ABCC8: variants seen among roughly 807,000 people sequenced by gnomAD.
The protein encoded by ABCC8 is ATP binding cassette subfamily C member 8.
ABCC8 carries 137 observed loss-of-function variants against 188.0 expected under a neutral mutation model. The ratio of observed to expected loss-of-function variants is 0.73; its 90% confidence interval spans 0.63 to 0.84. ABCC8 has a LOEUF of 0.84. Ranked by LOEUF, ABCC8 falls within the 40% of genes least tolerant of loss-of-function variation. ABCC8 has a pLI of 0.00. For missense variants in ABCC8, 1,750 were observed against 2,072.7 expected (o/e 0.84, Z 3.02); for synonymous variants, 797 against 846.5 (o/e 0.94, Z 1.01).
At chr11:17,397,419 C>G in intron 31 of ABCC8, 106 bp from the exon 32 acceptor site, 1 of 1,569,322 alleles carries the variant, frequency 6.4e-7, no homozygotes, top group South Asian at 1.1e-5. Flanking sequence ...GCCCCAGATT[C>G]CTTTTGCTGC....
intron 10 of ABCC8, among the ~76,000 whole-genome samples, chr11:17,434,041 G>A (rs895524538): frequency 6.6e-6 from 1 of 152,192 alleles, no homozygotes; most frequent in African/African-American, 2.4e-5. Context: ...GAGGAGGAGA[G>A]GGAGGAGGAT....
chr11:17,462,232 G>C (rs1957220884), intron 4 of ABCC8, among the ~76,000 whole-genome samples: 1 of 152,116 alleles, frequency 6.6e-6, no homozygotes, highest in Non-Finnish European at 1.5e-5. Flanking sequence ...GGTGTTTTTG[G>C]ACAAGCCTCA....
intron 6 of ABCC8, among the ~76,000 whole-genome samples, chr11:17,455,963 G>A (rs377096154): frequency 0.013 from 1,910 of 148,022 alleles, 34 homozygotes; most frequent in African/African-American, 0.044. Flanking sequence ...AAAAAAAGAA[G>A]TGGGTACTAG....
chr11:17,412,391 G>A (rs1277167395), intron 21 of ABCC8, among the ~76,000 whole-genome samples: 1 of 152,198 alleles, frequency 6.6e-6, no homozygotes, highest in African/African-American at 2.4e-5. Context: ...TGAGGGGTTG[G>A]GCTGTCCCAC....
At chr11:17,430,289 C>T (rs1396702371) in intron 12 of ABCC8, 1 of 192,844 alleles carries the variant, frequency 5.2e-6, no homozygotes, top group African/African-American at 2.3e-5. Flanking sequence ...AAGTGGGAGC[C>T]TCCAAGAGCT....
At chr11:17,409,798 C>T (rs1037777634) in intron 22 of ABCC8, among the ~76,000 whole-genome samples, 1 of 152,222 alleles carries the variant, frequency 6.6e-6, no homozygotes, top group African/African-American at 2.4e-5. Flanking sequence ...TTATTTTCTA[C>T]CTACTGAAGA....
At chr11:17,435,327 G>A (rs796573832) in intron 10 of ABCC8, among the ~76,000 whole-genome samples, 1 of 152,096 alleles carries the variant, frequency 6.6e-6, no homozygotes, top group Non-Finnish European at 1.5e-5. Flanking sequence ...CACACAGCTG[G>A]CATTGTTTCC....
Position 17,414,534 on chromosome 11 carries a change from C to T in ABCC8, c.2368G>A (p.Glu790Lys), listed in dbSNP as rs1317396512. Reference sequence around the variant, plus strand: ...TACCGTTGTTTGTTGAAGGGACTCTCAAAGATGATGTTCTCCTCCACAGTG... The same window carrying T: ...TACCGTTGTTTGTTGAAGGGACTCTTAAAGATGATGTTCTCCTCCACAGTG... ...NATVEENIIF[E>K]SPFNKQRYKM... The change falls in exon 19 of 39, where the codon GAG becomes AAG. Residue 790 changes from glutamate (E) to lysine (K), a missense_variant. Transcript: ENST00000389817. The T allele has an allele frequency of 1.2e-6, 2 of 1,614,108 alleles. No homozygotes were observed. The highest frequency in any genetic ancestry group is 1.1e-5 in the South Asian group (1 of 91,094).
At position 17,397,748 on chromosome 11, in the gene ABCC8, G is replaced by A. The variant is rs868123941; in HGVS notation, c.3803C>T (p.Ser1268Phe). Residue 1268 changes from serine to phenylalanine, a missense_variant, in exon 31 of 39, where the codon TCC becomes TTC. Physicochemically the swap from Ser to Phe is radical, Grantham distance 155. Transcript: ENST00000389817. Reference sequence around the variant, plus strand: ...AGAGAGCTCCCTGTGCAGGGAGTTGGAGATGGAGGTCACCGCTGCGATGAG... The same window carrying A: ...AGAGAGCTCCCTGTGCAGGGAGTTGAAGATGGAGGTCACCGCTGCGATGAG... ...VVLIAAVTSI[S>F]NSLHRELSAG... The A allele has an allele frequency of 6.2e-7, 1 of 1,613,884 alleles. No individual in the cohort carries two copies. The highest frequency in any genetic ancestry group is 8.5e-7 in the Non-Finnish European group (1 of 1,180,004).
At chr11:17,462,113 G>A (rs1459256990) in intron 4 of ABCC8, among the ~76,000 whole-genome samples, 1 of 152,164 alleles carries the variant, frequency 6.6e-6, no homozygotes. Context: ...TCTCTCATAT[G>A]CTATCTTCTC....
At chr11:17,413,577 G>A in intron 19 of ABCC8, 99 bp from the exon 20 acceptor site, 1 of 1,609,776 alleles carries the variant, frequency 6.2e-7, no homozygotes, top group East Asian at 2.2e-5. Flanking sequence ...CTATGCCCAG[G>A]GTGAGCAATG....
rs561727496 is a variant in ABCC8, at chr11:17,404,277, C to T, written c.3557+235G>A. Among the ~76,000 whole-genome samples, 1 of 152,180 alleles carries T rather than the reference C, an allele frequency of 6.6e-6. No individual in the cohort carries two copies. Among genetic ancestry groups the T allele is most frequent in the Non-Finnish European group, 1.5e-5 (1 of 68,034 alleles). On this transcript the variant is annotated intron_variant, in intron 28 of 38. Coordinates refer to ENST00000389817, the MANE Select transcript of ABCC8 (RefSeq NM_000352.6). The surrounding 1 kb of genome is among the most constrained non-coding windows in gnomAD (Gnocchi z 4.7). Reference sequence around the variant, plus strand: ...ATGACCTAGCAATTCCAGTCCTGACCATATCGCCCAAGGAAATAATTCAGA... The same window carrying T: ...ATGACCTAGCAATTCCAGTCCTGACTATATCGCCCAAGGAAATAATTCAGA...
At chr11:17,444,881 T>G (rs1235880065) in intron 8 of ABCC8, among the ~76,000 whole-genome samples, 1 of 152,200 alleles carries the variant, frequency 6.6e-6, no homozygotes, top group Non-Finnish European at 1.5e-5. Flanking sequence ...TCTGAAGGAC[T>G]CTGTCCACTC....
chr11:17,469,936 T>C (rs1848386028), intron 3 of ABCC8, among the ~76,000 whole-genome samples, 165 bp downstream of exon 3: 1 of 152,218 alleles, frequency 6.6e-6, no homozygotes, highest in African/African-American at 2.4e-5. Flanking sequence ...TGCCTGTCTA[T>C]CCTCCTTCAC....
rs576900005 is a variant in ABCC8 at position 17,468,597 on chromosome 11, T to C, written c.412+1504A>G. ...ACCTCTGAGCCTCAGTTTTCTGATA[T>C]GTAAAGGGAAAATAATAATGGTACC... is the stretch of plus-strand genomic sequence containing the variant. On this transcript the variant is annotated intron_variant, in intron 3 of 38. Transcript: ENST00000389817. Among the ~76,000 whole-genome samples, 3 of 152,304 alleles carry C rather than the reference T, an allele frequency of 2.0e-5. No individual in the cohort carries two copies. In the South Asian group the frequency reaches 6.2e-4, roughly 32 times the overall value.
At chr11:17,445,966 C>CTTT (rs66845960) in intron 8 of ABCC8, among the ~76,000 whole-genome samples, 6 of 134,268 alleles carry the variant, frequency 4.5e-5, no homozygotes, top group Non-Finnish European at 6.3e-5. Context: ...AACCTGATTT[C>CTTT]TTTTTTTTTT....
Position 17,476,804 on chromosome 11 carries a change from G to A in ABCC8, c.-28C>T. On this transcript the variant is annotated 5_prime_UTR_variant, in exon 1 of 39. Transcript: ENST00000389817. ...CGGCGCGGGCGCGGGCTGGGCTCGG[G>A]CTCAGCTGGCTCCGCTGGCTCCGCG... 6.6e-7 allele frequency: 1 copy of A among 1,505,950 alleles called. No individual in the cohort carries two copies. Among genetic ancestry groups the A allele is most frequent in the South Asian group, 1.3e-5 (1 of 78,820 alleles). 93.3% of individuals were successfully genotyped at this position (1,505,950 alleles called of 1,614,324 possible).
chr11:17,412,766 A>T lies in ABCC8; in HGVS notation c.2476-20T>A. ...GATGCCCTGTCACCAAAGAGGAGGA[A>T]CACATCATGCCCTCAGCCATTCAGG... On this transcript the variant is annotated intron_variant, in intron 20 of 38. Coordinates refer to ENST00000389817, the MANE Select transcript of ABCC8 (RefSeq NM_000352.6). The T allele has an allele frequency of 1.9e-6, 3 of 1,599,886 alleles. No homozygotes were observed. In the South Asian group the frequency reaches 3.4e-5, roughly 18 times the overall value.
rs191549492 is a variant in ABCC8 at position 17,404,738 on chromosome 11, G to A, written c.3400-69C>T. The stretch of plus-strand genomic sequence containing the variant: ...GACTGTGTTTAGAGTGCTACTGGCC[G>A]CCATGTTTTGCTCTCACTTTATTTT... On this transcript the variant is annotated intron_variant, in intron 27 of 38. Transcript: ENST00000389817. The surrounding 1 kb of genome is among the most constrained non-coding windows in gnomAD (Gnocchi z 4.7). 2,105 of 1,545,560 alleles carry A rather than the reference G, an allele frequency of 1.4e-3. 4 individuals carry two copies. The highest frequency in any genetic ancestry group is 1.6e-3 in the Non-Finnish European group (1,869 of 1,143,210).
Sources: gnomAD v4.1 joint callset for allele counts (sites outside exome capture counted in the v4.1 genomes callset) on GRCh38, gnomAD v4.1.1 for gene constraint, Gnocchi (gnomAD v3.1) non-coding constraint, MANE v1.5 for transcripts, NCBI Gene and HGNC (gene_info 2026-07-23, HGNC 2026-07-21) for gene names.